The following MFSD6 variants were observed in gnomAD, a reference collection of about 807,000 sequenced individuals.
MFSD6 encodes major facilitator superfamily domain containing 6, also known as major facilitator superfamily domain-containing protein 6.
Under a neutral mutation model 56.3 loss-of-function variants are expected in MFSD6, and 26 were observed. The observed-to-expected ratio is 0.46, with a 90% CI of 0.34 to 0.64. MFSD6 has a LOEUF of 0.64. MFSD6 is among the 30% of genes least tolerant of loss of function. MFSD6 has a pLI of 0.01. For synonymous variants in MFSD6, 331 were observed against 366.9 expected, an observed-to-expected ratio of 0.90 and a Z score of 1.12; for missense variants, 750 against 986.2, an observed-to-expected ratio of 0.76 and a Z score of 3.21.
intron 2 of MFSD6, among the ~76,000 whole-genome samples, chr2:190,430,716 T>C (rs1187885179): frequency 8.4e-6 from 1 of 118,386 alleles, no homozygotes; most frequent in Non-Finnish European, 1.8e-5. Context: ...CAATGAGCTG[T>C]TGGGTACACT....
chr2:190,475,743 C>T (rs570637977), intron 4 of MFSD6, among the ~76,000 whole-genome samples: 137 of 152,192 alleles, frequency 9.0e-4, no homozygotes, highest in African/African-American at 3.0e-3. Context: ...AAAAAGAGCC[C>T]GCATTGCCAA....
rs1687526176 is a variant in MFSD6, at chr2:190,465,026, T to C, written c.1533-4732T>C. 1 of 550,750 alleles carries C rather than the reference T, an allele frequency of 1.8e-6. No homozygotes were observed. Among genetic ancestry groups the C allele is most frequent in the Non-Finnish European group, 2.3e-6 (1 of 431,502 alleles). The allele number at this position is 550,750 out of a possible 1,614,324, so 34.1% of individuals were successfully genotyped here. A position where few individuals can be genotyped will look rare whatever the true frequency, so the allele number is the denominator to read the frequency against. ...AATGACTCATAATTCATTGTATCTATATCTTGAACACTCTTGAAAAAAATA... is the reference window on the plus strand; with the variant it reads ...AATGACTCATAATTCATTGTATCTACATCTTGAACACTCTTGAAAAAAATA... On this transcript the variant is annotated intron_variant, in intron 3 of 7. Transcript: ENST00000392328. The surrounding 1 kb of genome is among the most constrained non-coding windows in gnomAD (Gnocchi z 4.6).
Position 190,415,494 on chromosome 2 carries a change from T to C in MFSD6, c.-54+81T>C, listed in dbSNP as rs1361711446. On this transcript the variant is annotated intron_variant, in intron 2 of 7. Transcript: ENST00000392328. This position sits in a 1 kb window ranked among gnomAD's most constrained non-coding sequence, Gnocchi z 4.5. ...TTTGTTGCCCATGCTGGTCTTAAAC[T>C]CCTGGCTTCAAGTGATCCTCCCGCC... The C allele has an allele frequency of 2.0e-5, 3 of 152,082 alleles. No homozygotes were observed. The highest frequency in any genetic ancestry group is 2.0e-4 in the Admixed American group (3 of 15,268). The allele number at this position is 152,082 out of a possible 1,614,324, so 9.4% of individuals were successfully genotyped here.
intron 4 of MFSD6, among the ~76,000 whole-genome samples, chr2:190,470,714 T>C (rs1001926111): frequency 2.0e-5 from 3 of 152,198 alleles, no homozygotes; most frequent in Admixed American, 6.5e-5. Flanking sequence ...GTGTAATCAA[T>C]GTGATTAATT....
At chr2:190,466,601 G>C (rs1687618321) in intron 3 of MFSD6, among the ~76,000 whole-genome samples, 1 of 152,276 alleles carries the variant, frequency 6.6e-6, no homozygotes, top group Admixed American at 6.5e-5. Context: ...CATTTATTGA[G>C]TGCTTATTTT....
At position 190,459,062 on chromosome 2, in the gene MFSD6, A is replaced by G. The variant is rs1344846332; in HGVS notation, c.1533-10696A>G. 1.3e-5 allele frequency among the ~76,000 whole-genome samples: 2 copies of G among 152,174 alleles called. No individual in the cohort carries two copies. The highest frequency in any genetic ancestry group is 4.8e-5 in the African/African-American group (2 of 41,432). On this transcript the variant is annotated intron_variant, in intron 3 of 7. Transcript: ENST00000392328. This position sits in a 1 kb window ranked among gnomAD's most constrained non-coding sequence, Gnocchi z 5.3. ...AGTAGAAAAGCCCTTCCCATCCTTG[A>G]GTCTCACCTGCAGCTTTGCTTCTCC...
rs563233126 is a variant in MFSD6, at chr2:190,431,163, C to T, written c.-53-4814C>T. On this transcript the variant is annotated intron_variant, in intron 2 of 7. Transcript: ENST00000392328. The surrounding 1 kb of genome is among the most constrained non-coding windows in gnomAD (Gnocchi z 4.4). ...CAGACGATGGGCAGCCAGGCAGAGA[C>T]GCTCCTCACTTCCCAGATGGGATGG... Among the ~76,000 whole-genome samples the T allele has an allele frequency of 2.4e-4, 36 of 151,208 alleles. No individual in the cohort carries two copies. The highest frequency in any genetic ancestry group is 4.4e-4 in the Non-Finnish European group (30 of 67,806).
chr2:190,408,841 C>T (rs1045296961), intron 1 of MFSD6, among the ~76,000 whole-genome samples: 6 of 152,202 alleles, frequency 3.9e-5, no homozygotes, highest in African/African-American at 1.4e-4. Context: ...AAAGGCGCTG[C>T]CCAGGGAGCC....
intron 2 of MFSD6, among the ~76,000 whole-genome samples, chr2:190,422,147 A>G (rs1685640644): frequency 6.6e-6 from 1 of 152,066 alleles, no homozygotes; most frequent in Non-Finnish European, 1.5e-5. Flanking sequence ...TGTTTATTTA[A>G]CTTTCTCTGT....
At position 190,443,785 on chromosome 2, in the gene MFSD6, T is replaced by C. The variant is rs1002164120; in HGVS notation, c.1532+6224T>C. Among the ~76,000 whole-genome samples, 2 of 152,210 alleles carry C rather than the reference T, an allele frequency of 1.3e-5. No individual in the cohort carries two copies. Among genetic ancestry groups the C allele is most frequent in the Non-Finnish European group, 2.9e-5 (2 of 68,036 alleles). ...CTTAAAGATTAGTCTAGTCTGGGTG[T>C]GGCTCACACCTATAATCCCAGCACT... On this transcript the variant is annotated intron_variant, in intron 3 of 7. Transcript: ENST00000392328. This position sits in a 1 kb window ranked among gnomAD's most constrained non-coding sequence, Gnocchi z 4.2.
chr2:190,463,660 A>C lies in MFSD6; in HGVS notation c.1533-6098A>C, dbSNP rs1574161647. On this transcript the variant is annotated intron_variant, in intron 3 of 7. Transcript: ENST00000392328. The surrounding 1 kb of genome is among the most constrained non-coding windows in gnomAD (Gnocchi z 4.4). ...ACATAGTGAGACTTTGTGTCTACTA[A>C]AAATCAAAAGTTAGCTTGGCGTGAT... is the stretch of plus-strand genomic sequence containing the variant. Among the ~76,000 whole-genome samples the C allele has an allele frequency of 6.6e-6, 1 of 152,134 alleles. No individual in the cohort carries two copies. Among genetic ancestry groups the C allele is most frequent in the Middle Eastern group, 3.4e-3 (1 of 294 alleles).
At chr2:190,481,023 C>T (rs1688633222) in intron 4 of MFSD6, among the ~76,000 whole-genome samples, 1 of 152,190 alleles carries the variant, frequency 6.6e-6, no homozygotes, top group East Asian at 1.9e-4. Flanking sequence ...TGTGGCTAGT[C>T]AGTGCACACT....
At position 190,485,015 on chromosome 2, in the gene MFSD6, T is replaced by C. The variant is rs895420881; in HGVS notation, c.1631-3642T>C. On this transcript the variant is annotated intron_variant, in intron 4 of 7. Transcript: ENST00000392328. The surrounding 1 kb of genome is among the most constrained non-coding windows in gnomAD (Gnocchi z 5.1). ...TATCTAATCAGTCTCAAAAGCAATA[T>C]AGAAACTAGAAGTCTAACTGTGGAG... Among the ~76,000 whole-genome samples the C allele has an allele frequency of 6.6e-6, 1 of 152,212 alleles. No individual in the cohort carries two copies. The highest frequency in any genetic ancestry group is 1.5e-5 in the Non-Finnish European group (1 of 68,020).
At position 190,415,314 on chromosome 2, in the gene MFSD6, A is replaced by G. The variant is rs1210917602; in HGVS notation, c.-153A>G. Reference sequence around the variant, plus strand: ...CAGACAGGATCTCTCTCAGTTACCCAGGCCGGAGTGCAGTGGCGTGATCCT... The same window carrying G: ...CAGACAGGATCTCTCTCAGTTACCCGGGCCGGAGTGCAGTGGCGTGATCCT... On this transcript the variant is annotated 5_prime_UTR_variant, in exon 2 of 8. Coordinates refer to ENST00000392328, the MANE Select transcript of MFSD6 (RefSeq NM_017694.4). The surrounding 1 kb of genome is among the most constrained non-coding windows in gnomAD (Gnocchi z 4.5). The G allele has an allele frequency of 6.6e-6, 1 of 152,132 alleles. No homozygotes were observed. The highest frequency in any genetic ancestry group is 1.9e-4 in the East Asian group (1 of 5,196). The allele number at this position is 152,132 out of a possible 1,614,324, so 9.4% of individuals were successfully genotyped here.
chr2:190,470,998 A>G (rs1687890624), intron 4 of MFSD6, among the ~76,000 whole-genome samples: 2 of 152,154 alleles, frequency 1.3e-5, no homozygotes, highest in Admixed American at 1.3e-4. Context: ...TAGAAAATGG[A>G]AACTTGGTCT....
intron 2 of MFSD6, among the ~76,000 whole-genome samples, chr2:190,428,939 C>T (rs936389598): frequency 6.6e-6 from 1 of 152,144 alleles, no homozygotes; most frequent in African/African-American, 2.4e-5. Context: ...TCTCAAAGTG[C>T]TGGGATTACA....
intron 1 of MFSD6, chr2:190,411,497 A>G: frequency 1.0e-6 from 1 of 985,384 alleles, no homozygotes; most frequent in Non-Finnish European, 1.2e-6. Context: ...AGATGGAGAA[A>G]AGAGGATGTT....
chr2:190,452,047 T>C (rs182589476), intron 3 of MFSD6, among the ~76,000 whole-genome samples: 1 of 152,306 alleles, frequency 6.6e-6, no homozygotes, highest in Non-Finnish European at 1.5e-5. Context: ...GCTGATTTAG[T>C]GATTTCTACC....
At chr2:190,449,288 A>G (rs994454388) in intron 3 of MFSD6, among the ~76,000 whole-genome samples, 1 of 152,160 alleles carries the variant, frequency 6.6e-6, no homozygotes, top group East Asian at 1.9e-4. Flanking sequence ...AGCCTGGTCA[A>G]CATGGTGAAA....
Sources: gnomAD v4.1 joint callset for allele counts (sites outside exome capture counted in the v4.1 genomes callset) on GRCh38, gnomAD v4.1.1 for gene constraint, Gnocchi (gnomAD v3.1) non-coding constraint, MANE v1.5 for transcripts, NCBI Gene and HGNC (gene_info 2026-07-23, HGNC 2026-07-21) for gene names.